Variants in NEK1 observed in about 807,000 individuals in gnomAD.
NEK1 encodes NIMA related kinase 1.
In NEK1, 137 loss-of-function variants were observed where a neutral mutation model predicts 182.1. The ratio of observed to expected loss-of-function variants is 0.75; its 90% CI spans 0.65 to 0.87. The LOEUF is 0.87. Ranked by LOEUF, NEK1 falls within the 40% of genes least tolerant of loss-of-function variation. NEK1 has a pLI of 0.00. For synonymous variants in NEK1, 513 were observed against 492.2 expected, an observed-to-expected ratio of 1.04 and a Z score of -0.56; for missense variants, 1,391 against 1,494.4, an observed-to-expected ratio of 0.93 and a Z score of 1.14.
chr4:169,447,994 G>A (rs1188168166), intron 27 of NEK1, among the ~76,000 whole-genome samples: 7 of 151,962 alleles, frequency 4.6e-5, no homozygotes, highest in African/African-American at 1.7e-4. Context: ...AAACCAGCCT[G>A]GGCAACATGC....
rs182536252 is a variant in NEK1 at position 169,528,009 on chromosome 4, C to T, written c.1665+9800G>A. Among the ~76,000 whole-genome samples, 185 of 152,130 alleles carry T rather than the reference C, an allele frequency of 1.2e-3. 1 individual carries two copies. Among genetic ancestry groups the T allele is most frequent in the African/African-American group, 4.1e-3 (169 of 41,502 alleles). On this transcript the variant is annotated intron_variant, in intron 19 of 35. Coordinates refer to ENST00000507142, the MANE Select transcript of NEK1 (RefSeq NM_001199397.3). The stretch of plus-strand genomic sequence containing the variant: ...CAAGATATACCACACAAACAGTACA[C>T]GACAGAAGCTGGAATGGGTATAATA...
chr4:169,437,793 T>C (rs1738702326), intron 28 of NEK1, among the ~76,000 whole-genome samples: 1 of 152,226 alleles, frequency 6.6e-6, no homozygotes, highest in Non-Finnish European at 1.5e-5. Context: ...CTTACTGATC[T>C]CTGAGATAAA....
At chr4:169,399,064 C>A (rs754183160) in intron 35 of NEK1, among the ~76,000 whole-genome samples, 2 of 151,528 alleles carry the variant, frequency 1.3e-5, no homozygotes, top group Non-Finnish European at 2.9e-5. Context: ...GCCTGGCCAA[C>A]ATGGTGAGAC....
At chr4:169,441,690 A>G (rs1363224381) in intron 27 of NEK1, among the ~76,000 whole-genome samples, 1 of 152,156 alleles carries the variant, frequency 6.6e-6, no homozygotes, top group African/African-American at 2.4e-5. Context: ...TGCCATGCCT[A>G]TTGCTGCTAG....
chr4:169,590,973 C>T (rs1768386574), intron 5 of NEK1, among the ~76,000 whole-genome samples, 164 bp from the exon 6 acceptor site: 1 of 152,092 alleles, frequency 6.6e-6, no homozygotes, highest in Non-Finnish European at 1.5e-5. Flanking sequence ...TCAACACAAG[C>T]TCTGCACATA....
At chr4:169,509,425 G>A (rs1366236976) in intron 19 of NEK1, among the ~76,000 whole-genome samples, 4 of 151,840 alleles carry the variant, frequency 2.6e-5, no homozygotes, top group Admixed American at 6.6e-5. Flanking sequence ...TTCAGCATAC[G>A]AGCATGCTTC....
intron 19 of NEK1, among the ~76,000 whole-genome samples, chr4:169,537,037 C>T (rs1758623954): frequency 6.6e-6 from 1 of 152,160 alleles, no homozygotes; most frequent in Admixed American, 6.5e-5. Flanking sequence ...GAACTTACAA[C>T]AGATATGTAA....
At chr4:169,599,250 G>A (rs916916009) in intron 4 of NEK1, 53 bp from the exon 5 acceptor site, 22 of 1,329,658 alleles carry the variant, frequency 1.7e-5, no homozygotes, top group Admixed American at 1.1e-4. Context: ...TCAAAAGCAT[G>A]GCTAAATTAA....
At chr4:169,516,404 G>C (rs192282721) in intron 19 of NEK1, among the ~76,000 whole-genome samples, 5 of 122,576 alleles carry the variant, frequency 4.1e-5, no homozygotes, top group East Asian at 2.4e-4. Flanking sequence ...TGGATATTAG[G>C]CCTTTGTCAG....
At chr4:169,597,350 G>A (rs186521049) in intron 5 of NEK1, among the ~76,000 whole-genome samples, 36 of 152,106 alleles carry the variant, frequency 2.4e-4, no homozygotes, top group African/African-American at 8.2e-4. Context: ...ACAGTGGCTC[G>A]TGCCTATAAT....
At chr4:169,496,951 A>G (rs1282294121) in intron 23 of NEK1, among the ~76,000 whole-genome samples, 4 of 152,014 alleles carry the variant, frequency 2.6e-5, no homozygotes, top group Admixed American at 6.6e-5. Flanking sequence ...CTCTTTTTCT[A>G]TTGATTGGAA....
chr4:169,559,961 A>G (rs1048145744), intron 16 of NEK1, among the ~76,000 whole-genome samples: 1 of 152,204 alleles, frequency 6.6e-6, no homozygotes, highest in Admixed American at 6.5e-5. Flanking sequence ...GTGAGCTGAG[A>G]TCGTGCCATT....
At chr4:169,482,103 C>T (rs986386658) in intron 23 of NEK1, among the ~76,000 whole-genome samples, 2 of 152,210 alleles carry the variant, frequency 1.3e-5, no homozygotes, top group African/African-American at 2.4e-5. Context: ...ATGAACCAAT[C>T]TCTGCTAGCC....
intron 23 of NEK1, among the ~76,000 whole-genome samples, chr4:169,496,482 A>C (rs1192284900): frequency 6.6e-6 from 1 of 151,266 alleles, no homozygotes; most frequent in African/African-American, 2.4e-5. Flanking sequence ...GTCTTGTGCC[A>C]GTTTTCAAAG....
At chr4:169,543,674 T>G (rs1389606947) in intron 18 of NEK1, among the ~76,000 whole-genome samples, 1 of 152,212 alleles carries the variant, frequency 6.6e-6, no homozygotes, top group African/African-American at 2.4e-5. Flanking sequence ...AGCAGTAGTT[T>G]GTAGTTCTCC....
chr4:169,496,207 CTG>C (rs1751241531), intron 23 of NEK1, among the ~76,000 whole-genome samples: 1 of 152,088 alleles, frequency 6.6e-6, no homozygotes, highest in South Asian at 2.1e-4. Flanking sequence ...CTCTGTTTGT[CTG>C]TTATTGGTGT....
At chr4:169,462,758 T>C (rs1408156825) in intron 27 of NEK1, among the ~76,000 whole-genome samples, 2 of 152,286 alleles carry the variant, frequency 1.3e-5, no homozygotes, top group South Asian at 2.1e-4. Context: ...GTTTCATACA[T>C]AGCCACTCTT....
chr4:169,562,987 GGAT>G (rs1186134479), intron 12 of NEK1, among the ~76,000 whole-genome samples: 2 of 151,988 alleles, frequency 1.3e-5, no homozygotes, highest in Non-Finnish European at 2.9e-5. Context: ...TTTTCTTCAT[GGAT>G]ATATAGCATT....
At chr4:169,547,761 C>T (rs759352891) in intron 18 of NEK1, among the ~76,000 whole-genome samples, 6 of 152,084 alleles carry the variant, frequency 3.9e-5, no homozygotes, top group East Asian at 1.9e-4. Context: ...TTGATTGATT[C>T]GGCTATTGAT....
Sources: gnomAD v4.1 joint callset for allele counts (sites outside exome capture counted in the v4.1 genomes callset) on GRCh38, gnomAD v4.1.1 for gene constraint, MANE v1.5 for transcripts, NCBI Gene and HGNC (gene_info 2026-07-23, HGNC 2026-07-21) for gene names.